SEPTIN7: variants seen among roughly 807,000 people sequenced by gnomAD.
SEPTIN7 encodes septin 7, also known as septin-7.
A neutral mutation model predicts 63.3 loss-of-function variants in SEPTIN7; 10 were observed. The ratio of observed to expected loss-of-function variants is 0.16; its 90% confidence interval spans 0.10 to 0.27. The LOEUF is 0.27. SEPTIN7 is among the 10% of genes least tolerant of loss of function. The pLI, the probability that SEPTIN7 is intolerant of heterozygous loss-of-function variation, is 1.00. For synonymous variants in SEPTIN7, 131 were observed against 165.3 expected (o/e 0.79, Z 1.59); for missense variants, 310 against 521.0 (o/e 0.59, Z 3.94).
chr7:35,911,712 G>T (rs1425127608), downstream of SEPTIN7, among the ~76,000 whole-genome samples: 1 of 152,164 alleles, frequency 6.6e-6, no homozygotes, highest in Admixed American at 6.5e-5. Flanking sequence ...AAATGATATG[G>T]CCCACTGTAG....
At chr7:35,848,785 A>G (rs2116039114) in intron 3 of SEPTIN7, among the ~76,000 whole-genome samples, 1 of 152,338 alleles carries the variant, frequency 6.6e-6, no homozygotes, top group African/African-American at 2.4e-5. Flanking sequence ...CTGAGTAGGC[A>G]GTAAGGATTT....
At chr7:35,880,223 C>CTTTTTTTTTTTTTTTCTTTT (rs1786770377) in intron 7 of SEPTIN7, among the ~76,000 whole-genome samples, 1 of 72,776 alleles carries the variant, frequency 1.4e-5, no homozygotes, top group Non-Finnish European at 2.6e-5. Flanking sequence ...TTTTTCTTTT[C>CTTTTTTTTTTTTTTTCTTTT]TTTTTTTTTT....
At chr7:35,873,601 T>C (rs1327857916) in intron 5 of SEPTIN7, 40 bp from the exon 6 acceptor site, 59 of 1,579,398 alleles carry the variant, frequency 3.7e-5, no homozygotes, top group East Asian at 6.8e-5. Flanking sequence ...TTAATTCATA[T>C]GTAGAATTGC....
chr7:35,816,211 T>A (rs1352748034), intron 1 of SEPTIN7, among the ~76,000 whole-genome samples: 1 of 152,196 alleles, frequency 6.6e-6, no homozygotes, highest in Non-Finnish European at 1.5e-5. Context: ...AATGAAACTT[T>A]GCAGCCATTA....
At chr7:35,845,793 A>G (rs549796645) in intron 3 of SEPTIN7, among the ~76,000 whole-genome samples, 1 of 152,276 alleles carries the variant, frequency 6.6e-6, no homozygotes, top group Admixed American at 6.5e-5. Flanking sequence ...AATGTTAGTG[A>G]TAGGAAGACT....
At chr7:35,893,227 G>A (rs1787755485) in intron 11 of SEPTIN7, among the ~76,000 whole-genome samples, 2 of 15,260 alleles carry the variant, frequency 1.3e-4, no homozygotes, top group South Asian at 0.019. Flanking sequence ...TTGCTCTCAT[G>A]TGACTCTATA....
At chr7:35,825,700 A>C (rs904580716) in intron 1 of SEPTIN7, among the ~76,000 whole-genome samples, 6 of 152,330 alleles carry the variant, frequency 3.9e-5, no homozygotes, top group African/African-American at 1.4e-4. Flanking sequence ...ACTAGAACAC[A>C]CATATATGCT....
At chr7:35,842,399 A>G (rs996656601) in intron 3 of SEPTIN7, among the ~76,000 whole-genome samples, 8 of 151,554 alleles carry the variant, frequency 5.3e-5, no homozygotes, top group South Asian at 2.1e-4. Context: ...ATTTATATCT[A>G]GGTCTTGGGG....
At chr7:35,828,872 C>T (rs1783658145) in intron 1 of SEPTIN7, among the ~76,000 whole-genome samples, 1 of 152,184 alleles carries the variant, frequency 6.6e-6, no homozygotes, top group Non-Finnish European at 1.5e-5. Flanking sequence ...GCAATCCTCT[C>T]GCCTTGGCCT....
At chr7:35,852,963 T>G (rs991827617) in intron 3 of SEPTIN7, among the ~76,000 whole-genome samples, 2 of 152,078 alleles carry the variant, frequency 1.3e-5, no homozygotes, top group African/African-American at 2.4e-5. Flanking sequence ...GCTAAAGAGG[T>G]TATGATTTAG....
chr7:35,868,908 T>C (rs180854313), intron 4 of SEPTIN7, among the ~76,000 whole-genome samples: 181 of 152,258 alleles, frequency 1.2e-3, no homozygotes, highest in Middle Eastern at 6.8e-3. Flanking sequence ...TGGTCTCATT[T>C]TTAAGTGGAG....
At chr7:35,844,642 C>G (rs1307677480) in intron 3 of SEPTIN7, among the ~76,000 whole-genome samples, 1 of 152,020 alleles carries the variant, frequency 6.6e-6, no homozygotes, top group Admixed American at 6.6e-5. Flanking sequence ...CTCTGTTGCC[C>G]AGGCTAGAGT....
At chr7:35,880,873 T>G (rs1259374897) in intron 7 of SEPTIN7, among the ~76,000 whole-genome samples, 5 of 152,062 alleles carry the variant, frequency 3.3e-5, no homozygotes, top group Non-Finnish European at 7.4e-5. Flanking sequence ...TATTTCTAAT[T>G]TAATTGTGTT....
At chr7:35,875,801 A>T (rs1786441488) in intron 6 of SEPTIN7, among the ~76,000 whole-genome samples, 1 of 152,124 alleles carries the variant, frequency 6.6e-6, no homozygotes, top group Non-Finnish European at 1.5e-5. Flanking sequence ...ATACAAAAAA[A>T]ATTTGTCATT....
chr7:35,888,058 G>A (rs1264883883), intron 10 of SEPTIN7, among the ~76,000 whole-genome samples: 1 of 152,148 alleles, frequency 6.6e-6, no homozygotes, highest in Non-Finnish European at 1.5e-5. Context: ...ACGATGGAAA[G>A]GAGGAAAACT....
intron 11 of SEPTIN7, 182 bp from the exon 12 acceptor site, chr7:35,898,066 T>G: frequency 2.2e-6 from 1 of 448,796 alleles, no homozygotes; most frequent in South Asian, 9.6e-5. Context: ...AACATCTTTG[T>G]TTTTTAGATT....
intron 11 of SEPTIN7, among the ~76,000 whole-genome samples, chr7:35,891,753 A>G (rs1309738400): frequency 2.0e-5 from 3 of 152,182 alleles, no homozygotes; most frequent in East Asian, 1.9e-4. Flanking sequence ...TTTCTCTTCA[A>G]TAATCTTACT....
At chr7:35,827,065 G>A (rs1356647380) in intron 1 of SEPTIN7, among the ~76,000 whole-genome samples, 1 of 152,104 alleles carries the variant, frequency 6.6e-6, no homozygotes, top group Non-Finnish European at 1.5e-5. Flanking sequence ...AAACAGTGGA[G>A]TTACCGTAGT....
intron 11 of SEPTIN7, among the ~76,000 whole-genome samples, chr7:35,893,897 T>C (rs1787799770): frequency 6.6e-6 from 1 of 152,184 alleles, no homozygotes; most frequent in Admixed American, 6.5e-5. Context: ...GATGCTGTTC[T>C]TAGCAGCTAT....
Sources: gnomAD v4.1 joint callset for allele counts (sites outside exome capture counted in the v4.1 genomes callset) on GRCh38, gnomAD v4.1.1 for gene constraint, MANE v1.5 for transcripts, NCBI Gene and HGNC (gene_info 2026-07-23, HGNC 2026-07-21) for gene names.